Variants in DTD1 observed in about 807,000 individuals in gnomAD.
DTD1 encodes the protein D-tyrosyl-tRNA deacylase 1 homolog.
DTD1 carries 13 observed loss-of-function variants against 25.6 expected under a neutral mutation model. That is an observed-to-expected ratio of 0.51 (90% CI 0.33 to 0.81). The LOEUF (loss-of-function observed/expected upper bound fraction) is 0.81. DTD1 is among the 30% of genes least tolerant of loss of function. The probability of loss-of-function intolerance (pLI) is 0.02; values close to 1 mark genes in which losing one functional copy is unlikely to be tolerated. For missense variants in DTD1, 193 were observed against 266.4 expected (o/e 0.72, Z 1.92); for synonymous variants, 110 against 103.6 (o/e 1.06, Z -0.37).
Position 18,620,766 on chromosome 20 carries a change from A to T in DTD1, c.371-7361A>T, listed in dbSNP as rs538650362. Among the ~76,000 whole-genome samples, 161 of 151,780 alleles carry T rather than the reference A, an allele frequency of 1.1e-3. 1 individual carries two copies. Among genetic ancestry groups the T allele is most frequent in the African/African-American group, 3.5e-3 (143 of 41,382 alleles). On this transcript the variant is annotated intron_variant, in intron 3 of 5. Coordinates refer to ENST00000377452, the MANE Select transcript of DTD1 (RefSeq NM_080820.6). ...GTGCCACCATACTTAATTTAAAGAA[A>T]TTTTTTTTAAGAGGTAGAATATTGC... is the stretch of plus-strand genomic sequence containing the variant.
chr20:18,644,726 C>T (rs2060844185), intron 4 of DTD1, among the ~76,000 whole-genome samples: 1 of 152,114 alleles, frequency 6.6e-6, no homozygotes, highest in African/African-American at 2.4e-5. Flanking sequence ...GAATTCATTC[C>T]AAGTCTATTT....
At chr20:18,596,834 G>A (rs913580597) in intron 3 of DTD1, among the ~76,000 whole-genome samples, 1 of 151,324 alleles carries the variant, frequency 6.6e-6, no homozygotes, top group African/African-American at 2.4e-5. Context: ...CTCTGCCCCC[G>A]CATGCATAGG....
rs889253107 is a variant in DTD1, at chr20:18,696,623, C to T, written c.478-47477C>T. 9.0e-4 allele frequency among the ~76,000 whole-genome samples: 137 copies of T among 152,228 alleles called. 1 individual carries two copies. The highest frequency in any genetic ancestry group is 3.2e-3 in the African/African-American group (135 of 41,572). On this transcript the variant is annotated intron_variant, in intron 4 of 5. Coordinates refer to ENST00000377452, the MANE Select transcript of DTD1 (RefSeq NM_080820.6). ...AGGCTGGAATGCAATGGCACGATCT[C>T]GGCTCATTGCAACCTCCGCCTCCCG...
In DTD1 at chr20:18,758,104, C is replaced by T. The variant is rs192918055; in HGVS notation, c.*20-5256C>T. 3.3e-5 allele frequency among the ~76,000 whole-genome samples: 5 copies of T among 151,938 alleles called. No homozygotes were observed. In the East Asian group the frequency reaches 9.7e-4, roughly 29 times the overall value. ...CTGATGGTAGTTTGTATTTCTGTGG[C>T]ATCTGTGGTGATATCCCCTTTATCA... On this transcript the variant is annotated intron_variant, in intron 5 of 5. Transcript: ENST00000377452.
chr20:18,718,375 T>A (rs886872979), intron 4 of DTD1, among the ~76,000 whole-genome samples: 6 of 152,166 alleles, frequency 3.9e-5, no homozygotes, highest in African/African-American at 1.2e-4. Context: ...GAGGCAGCCA[T>A]CCCTGCAAGT....
At chr20:18,624,485 C>G (rs1194681574) in intron 3 of DTD1, among the ~76,000 whole-genome samples, 1 of 152,162 alleles carries the variant, frequency 6.6e-6, no homozygotes, top group Non-Finnish European at 1.5e-5. Context: ...ATCATGAGCT[C>G]AGAAGCCACC....
intron 4 of DTD1, among the ~76,000 whole-genome samples, chr20:18,659,951 C>G (rs528157071): frequency 3.9e-4 from 59 of 151,920 alleles, no homozygotes; most frequent in African/African-American, 1.2e-3. Context: ...ATTTTTTTAC[C>G]AGCTGGGCAT....
intron 4 of DTD1, among the ~76,000 whole-genome samples, chr20:18,712,322 T>C (rs548843542): frequency 6.6e-6 from 1 of 151,924 alleles, no homozygotes; most frequent in East Asian, 1.9e-4. Context: ...GCAATTGTGT[T>C]TTGAAATTCT....
At chr20:18,630,254 G>T (rs954604050) in intron 4 of DTD1, 5 of 152,078 alleles carry the variant, frequency 3.3e-5, no homozygotes, top group Non-Finnish European at 5.9e-5. Context: ...TAGTTTCAAT[G>T]TCTACATAAC....
rs189825005 is a variant in DTD1 at position 18,729,160 on chromosome 20, C to T, written c.478-14940C>T. On this transcript the variant is annotated intron_variant, in intron 4 of 5. Coordinates refer to ENST00000377452, the MANE Select transcript of DTD1 (RefSeq NM_080820.6). ...CTGGGACTACAGGCATGTGCCACCA[C>T]GTCTGGTGAGTTTTTGTATTTTTTG... 1.3e-3 allele frequency among the ~76,000 whole-genome samples: 205 copies of T among 152,314 alleles called. 1 individual carries two copies. Among genetic ancestry groups the T allele is most frequent in the African/African-American group, 4.6e-3 (191 of 41,576 alleles).
At position 18,606,321 on chromosome 20, in the gene DTD1, CTG is replaced by C. The variant is rs897085079; in HGVS notation, c.370+10082_370+10083del. Among the ~76,000 whole-genome samples the C allele has an allele frequency of 4.6e-4, 60 of 131,612 alleles. No homozygotes were observed. In the South Asian group the frequency reaches 0.011, roughly 24 times the overall value. 86.3% of individuals were successfully genotyped at this position (131,612 alleles called of 152,430 possible). A position where few individuals can be genotyped will look rare whatever the true frequency, so the allele number is the denominator to read the frequency against. ...GTGGAGAAATAGGAACACTTTTACA[CTG>C]TTGGTGGGAGTGTAAACTAGTTCAA... On this transcript the variant is annotated intron_variant, in intron 3 of 5. Transcript: ENST00000377452.
intron 4 of DTD1, among the ~76,000 whole-genome samples, chr20:18,696,015 G>A (rs1014943248): frequency 2.0e-5 from 3 of 152,032 alleles, no homozygotes; most frequent in African/African-American, 7.2e-5. Context: ...AGGATTTAAG[G>A]CTTTGGTGAC....
At chr20:18,724,131 A>G (rs539224781) in intron 4 of DTD1, among the ~76,000 whole-genome samples, 15 of 152,292 alleles carry the variant, frequency 9.8e-5, no homozygotes, top group Admixed American at 2.0e-4. Flanking sequence ...CCAGAATTCC[A>G]TCATGTACTT....
At chr20:18,664,997 T>C (rs1227677699) in intron 4 of DTD1, among the ~76,000 whole-genome samples, 3 of 152,196 alleles carry the variant, frequency 2.0e-5, no homozygotes, top group African/African-American at 7.2e-5. Flanking sequence ...AAAAAAATAA[T>C]AAAAAGCCAC....
At chr20:18,649,873 C>T (rs574958285) in intron 4 of DTD1, among the ~76,000 whole-genome samples, 1 of 152,198 alleles carries the variant, frequency 6.6e-6, no homozygotes, top group Non-Finnish European at 1.5e-5. Context: ...CGCTCATGCT[C>T]ATGCGCCACA....
rs910299091 is a variant in DTD1 at position 18,733,479 on chromosome 20, C to T, written c.478-10621C>T. ...CAAAGAGGTTTTGAGGGCAGCTACA[C>T]TGATAGGGAAACACTCTTGGGCTGA... On this transcript the variant is annotated intron_variant, in intron 4 of 5. Transcript: ENST00000377452. Among the ~76,000 whole-genome samples, 7 of 152,302 alleles carry T rather than the reference C, an allele frequency of 4.6e-5. No homozygotes were observed. The East Asian group carries it at 1.2e-3, about 25-fold the overall frequency.
At chr20:18,754,747 G>A (rs748756602) in intron 5 of DTD1, among the ~76,000 whole-genome samples, 2 of 152,228 alleles carry the variant, frequency 1.3e-5, no homozygotes, top group Non-Finnish European at 2.9e-5. Flanking sequence ...TTATTCTATA[G>A]TTCAAGAAAA....
At chr20:18,596,287 T>A (rs757465377) in intron 3 of DTD1, 46 bp downstream of exon 3, 1 of 1,503,022 alleles carries the variant, frequency 6.7e-7, no homozygotes, top group Non-Finnish European at 9.1e-7. Context: ...GGGACACTCC[T>A]GGATGGAGAG....
chr20:18,760,545 C>T (rs1437039951), intron 5 of DTD1, among the ~76,000 whole-genome samples: 1 of 152,172 alleles, frequency 6.6e-6, no homozygotes, highest in Non-Finnish European at 1.5e-5. Context: ...GGCTGCAGAA[C>T]AGTGGATATT....
Sources: gnomAD v4.1 joint callset for allele counts (sites outside exome capture counted in the v4.1 genomes callset) on GRCh38, gnomAD v4.1.1 for gene constraint, MANE v1.5 for transcripts, NCBI Gene and HGNC (gene_info 2026-07-23, HGNC 2026-07-21) for gene names.